The following PTPRT variants were observed in gnomAD, a reference collection of about 807,000 sequenced individuals.
PTPRT encodes receptor-type tyrosine-protein phosphatase T.
A neutral mutation model predicts 176.8 loss-of-function variants in PTPRT; 56 were observed. That is an observed-to-expected ratio of 0.32 (90% CI 0.26 to 0.40). The LOEUF (loss-of-function observed/expected upper bound fraction) is 0.40. PTPRT is among the 10% of genes least tolerant of loss of function. The probability of loss-of-function intolerance (pLI) is 1.00; values close to 1 mark genes in which losing one functional copy is unlikely to be tolerated. For synonymous variants in PTPRT, 783 were observed against 739.0 expected (o/e 1.06, Z -0.96); for missense variants, 1,540 against 1,908.2 (o/e 0.81, Z 3.60).
chr20:42,668,648 G>A (rs978530283), intron 7 of PTPRT, among the ~76,000 whole-genome samples: 1 of 151,892 alleles, frequency 6.6e-6, no homozygotes, highest in Non-Finnish European at 1.5e-5. Flanking sequence ...AAGAAGAGGA[G>A]ATGAACATCT....
At chr20:42,985,142 T>A (rs1164078442) in intron 1 of PTPRT, among the ~76,000 whole-genome samples, 1 of 152,158 alleles carries the variant, frequency 6.6e-6, no homozygotes, top group Non-Finnish European at 1.5e-5. Context: ...TTCAAGAGCC[T>A]GGATGCCATT....
intron 2 of PTPRT, among the ~76,000 whole-genome samples, chr20:42,834,381 G>A (rs2078145436): frequency 6.6e-6 from 1 of 152,134 alleles, no homozygotes; most frequent in Admixed American, 6.5e-5. Context: ...TGCAGGTGAG[G>A]ACGTGGAACA....
intron 19 of PTPRT, among the ~76,000 whole-genome samples, chr20:42,120,661 C>A (rs1987542302): frequency 6.6e-6 from 1 of 152,186 alleles, no homozygotes; most frequent in African/African-American, 2.4e-5. Context: ...TGCCCCATAA[C>A]CTTCATCATT....
intron 1 of PTPRT, among the ~76,000 whole-genome samples, chr20:42,950,744 T>C (rs960746650): frequency 6.6e-6 from 1 of 152,224 alleles, no homozygotes; most frequent in Non-Finnish European, 1.5e-5. Flanking sequence ...TAAATATTAA[T>C]ATGTCTGCAA....
chr20:42,405,946 C>T (rs1244591473), intron 9 of PTPRT, among the ~76,000 whole-genome samples: 1 of 152,150 alleles, frequency 6.6e-6, no homozygotes, highest in African/African-American at 2.4e-5. Flanking sequence ...GCCTTAACTT[C>T]TTGGAAACTG....
At chr20:42,874,857 T>C (rs1025100111) in intron 2 of PTPRT, among the ~76,000 whole-genome samples, 1 of 152,238 alleles carries the variant, frequency 6.6e-6, no homozygotes, top group Admixed American at 6.5e-5. Context: ...TCCATTCACA[T>C]AGACTTTAGA....
intron 1 of PTPRT, among the ~76,000 whole-genome samples, chr20:42,918,065 T>C (rs1204357647): frequency 1.3e-5 from 2 of 152,130 alleles, no homozygotes; most frequent in Non-Finnish European, 2.9e-5. Context: ...TGATCTGCTC[T>C]TTCATCTCCT....
At chr20:42,756,948 G>A (rs183523298) in intron 5 of PTPRT, among the ~76,000 whole-genome samples, 1 of 151,998 alleles carries the variant, frequency 6.6e-6, no homozygotes, top group Admixed American at 6.5e-5. Flanking sequence ...ATACTCTGGA[G>A]GGTGAGGAAG....
the PTPRT span, among the ~76,000 whole-genome samples, chr20:42,033,743 A>G: frequency 1.3e-5 from 2 of 152,170 alleles, no homozygotes; most frequent in African/African-American, 2.4e-5. Flanking sequence ...CCAACATCAC[A>G]AGGCATGGTA....
chr20:42,293,504 A>C (rs947396309), intron 12 of PTPRT, among the ~76,000 whole-genome samples: 2 of 152,082 alleles, frequency 1.3e-5, no homozygotes, highest in Non-Finnish European at 2.9e-5. Flanking sequence ...TGACTTCAAC[A>C]CACTGGAGTG....
chr20:42,370,964 C>T (rs764232277), intron 9 of PTPRT, among the ~76,000 whole-genome samples: 1 of 152,190 alleles, frequency 6.6e-6, no homozygotes, highest in African/African-American at 2.4e-5. Flanking sequence ...CATGATTTTC[C>T]ACCCTCTCTT....
intron 6 of PTPRT, among the ~76,000 whole-genome samples, chr20:42,714,434 G>C (rs1443678281): frequency 2.6e-5 from 4 of 152,128 alleles, no homozygotes; most frequent in Non-Finnish European, 5.9e-5. Context: ...TTAGAAGCCA[G>C]AAATACAACT....
chr20:42,762,874 C>T (rs528134412), intron 5 of PTPRT, among the ~76,000 whole-genome samples: 44 of 152,160 alleles, frequency 2.9e-4, no homozygotes, highest in African/African-American at 1.0e-3. Context: ...CTTTTTCTTT[C>T]CCCTTTTTCA....
At chr20:42,719,957 G>A (rs3091989) in intron 6 of PTPRT, among the ~76,000 whole-genome samples, 51,084 of 152,072 alleles carry the variant, frequency 0.34, 9,511 homozygotes, top group African/African-American at 0.51. Context: ...AAAGGCCTCC[G>A]CCATGAACTC....
intron 1 of PTPRT, among the ~76,000 whole-genome samples, chr20:43,169,037 T>C (rs2014927164): frequency 6.6e-6 from 1 of 152,048 alleles, no homozygotes. Context: ...GGGGCCAGAG[T>C]GCGCACCCCA....
intron 2 of PTPRT, among the ~76,000 whole-genome samples, chr20:42,810,824 C>T (rs1230611919): frequency 3.9e-5 from 6 of 152,230 alleles, no homozygotes; most frequent in East Asian, 1.9e-4. Flanking sequence ...AGTCTTTCGA[C>T]GCTGCCTCTC....
chr20:42,327,504 T>C (rs997088751), intron 11 of PTPRT, among the ~76,000 whole-genome samples: 1 of 152,064 alleles, frequency 6.6e-6, no homozygotes, highest in African/African-American at 2.4e-5. Context: ...TGTAACAGAC[T>C]GACCTTTCCA....
chr20:42,295,644 G>A (rs2057376167), intron 12 of PTPRT, among the ~76,000 whole-genome samples: 1 of 152,196 alleles, frequency 6.6e-6, no homozygotes, highest in Admixed American at 6.5e-5. Context: ...GAGAGAGAGA[G>A]AGAGAGAAAG....
chr20:42,935,147 ATTTTTTTTTTTTTTT>A (rs57178522), intron 1 of PTPRT, among the ~76,000 whole-genome samples: 1 of 42,156 alleles, frequency 2.4e-5, no homozygotes, highest in Non-Finnish European at 4.2e-5. Context: ...TTTTGCCATA[ATTTTTTTTTTTTTTT>A]TTTTTTTTTT....
Sources: gnomAD v4.1 joint callset for allele counts (sites outside exome capture counted in the v4.1 genomes callset) on GRCh38, gnomAD v4.1.1 for gene constraint, MANE v1.5 for transcripts, NCBI Gene and HGNC (gene_info 2026-07-23, HGNC 2026-07-21) for gene names.